The following CADPS2 variants were observed in gnomAD, a reference collection of about 807,000 sequenced individuals.
CADPS2 encodes the protein calcium-dependent secretion activator 2.
In CADPS2, 93 loss-of-function variants were observed where a neutral mutation model predicts 172.5. The ratio of observed to expected loss-of-function variants is 0.54; its 90% confidence interval spans 0.46 to 0.64. The LOEUF (loss-of-function observed/expected upper bound fraction) is 0.64. Ranked by LOEUF, CADPS2 falls within the 30% of genes least tolerant of loss-of-function variation. The pLI, the probability that CADPS2 is intolerant of heterozygous loss-of-function variation, is 0.00. For missense variants in CADPS2, 1,420 were observed against 1,565.9 expected (o/e 0.91, Z 1.57); for synonymous variants, 546 against 555.2 (o/e 0.98, Z 0.23).
intron 3 of CADPS2, among the ~76,000 whole-genome samples, chr7:122,660,703 G>A (rs904773047): frequency 1.3e-5 from 2 of 151,938 alleles, no homozygotes; most frequent in Non-Finnish European, 2.9e-5. Flanking sequence ...GAGGTCAGGA[G>A]ATCGAGACCA....
At chr7:122,614,338 C>T (rs1452693093) in intron 6 of CADPS2, among the ~76,000 whole-genome samples, 1 of 152,068 alleles carries the variant, frequency 6.6e-6, no homozygotes, top group African/African-American at 2.4e-5. Flanking sequence ...CCCTATCCTG[C>T]CTGCTCTAAA....
At chr7:122,694,610 CACTT>C (rs1359450627) in intron 2 of CADPS2, among the ~76,000 whole-genome samples, 1 of 152,152 alleles carries the variant, frequency 6.6e-6, no homozygotes, top group Non-Finnish European at 1.5e-5. Context: ...GGTAGAATAA[CACTT>C]ACTGGTAGGA....
At chr7:122,485,833 A>C (rs1319626812) in intron 11 of CADPS2, among the ~76,000 whole-genome samples, 2 of 152,196 alleles carry the variant, frequency 1.3e-5, no homozygotes, top group Non-Finnish European at 2.9e-5. Context: ...TTAGTGGCTA[A>C]TGCAGCTGGT....
chr7:122,876,272 A>G (rs1415250001), intron 1 of CADPS2, among the ~76,000 whole-genome samples: 1 of 152,202 alleles, frequency 6.6e-6, no homozygotes, highest in Admixed American at 6.5e-5. Flanking sequence ...GTGGGTCAGG[A>G]TCGTGTCACT....
At position 122,477,026 on chromosome 7, in the gene CADPS2, AG is replaced by A. The variant is rs1563448233; in HGVS notation, c.1862-2510del. Among the ~76,000 whole-genome samples the A allele has an allele frequency of 5.2e-3, 540 of 104,282 alleles. 14 individuals carry two copies. The highest frequency in any genetic ancestry group is 0.023 in the African/African-American group (521 of 22,888). 68.4% of individuals were successfully genotyped at this position (104,282 alleles called of 152,430 possible). ...AGGAGAGGAGAGGAGAGGAGAGGAGAGGAGAGGAGAGGAGAGGAGAGAGAGA... is the reference window on the plus strand; with the variant it reads ...AGGAGAGGAGAGGAGAGGAGAGGAGAGAGAGGAGAGGAGAGGAGAGAGAGA... On this transcript the variant is annotated intron_variant, in intron 12 of 29. Coordinates refer to ENST00000449022, the MANE Select transcript of CADPS2 (RefSeq NM_017954.11).
chr7:122,666,690 C>T (rs1016372651), intron 2 of CADPS2, among the ~76,000 whole-genome samples: 4 of 152,126 alleles, frequency 2.6e-5, no homozygotes, highest in Non-Finnish European at 5.9e-5. Context: ...GGAGGACGTA[C>T]ACTGGAAGAA....
At chr7:122,794,334 C>T (rs770128139) in intron 1 of CADPS2, among the ~76,000 whole-genome samples, 6 of 151,816 alleles carry the variant, frequency 4.0e-5, no homozygotes, top group Non-Finnish European at 5.9e-5. Context: ...GTCTAATTGT[C>T]TTATTTCAGA....
At chr7:122,851,496 C>A (rs530111536) in intron 1 of CADPS2, among the ~76,000 whole-genome samples, 2 of 152,142 alleles carry the variant, frequency 1.3e-5, no homozygotes, top group Admixed American at 1.3e-4. Flanking sequence ...AGCATGTAAA[C>A]CAGTACTAAA....
At chr7:122,604,566 T>C (rs1253733893) in intron 6 of CADPS2, among the ~76,000 whole-genome samples, 1 of 152,114 alleles carries the variant, frequency 6.6e-6, no homozygotes, top group Non-Finnish European at 1.5e-5. Flanking sequence ...ATGTGAAGTA[T>C]GACAACACTA....
intron 3 of CADPS2, among the ~76,000 whole-genome samples, chr7:122,649,380 C>T (rs199522407): frequency 1.3e-5 from 2 of 152,240 alleles, no homozygotes; most frequent in East Asian, 3.9e-4. Context: ...TTTCCTGGCA[C>T]CCAACTAGAC....
chr7:122,475,216 G>T (rs1295783967), intron 12 of CADPS2, among the ~76,000 whole-genome samples: 1 of 151,848 alleles, frequency 6.6e-6, no homozygotes, highest in Non-Finnish European at 1.5e-5. Context: ...TTTCATTAAT[G>T]GTATGTTTTG....
chr7:122,495,739 A>G (rs1004521888), intron 9 of CADPS2, among the ~76,000 whole-genome samples: 15 of 152,254 alleles, frequency 9.9e-5, no homozygotes, highest in African/African-American at 3.6e-4. Flanking sequence ...GCTGCTTTCC[A>G]ATTTGTACAT....
At chr7:122,361,582 A>AATAT (rs1245384409) in intron 25 of CADPS2, among the ~76,000 whole-genome samples, 3 of 152,156 alleles carry the variant, frequency 2.0e-5, no homozygotes, top group Non-Finnish European at 2.9e-5. Context: ...ATAGGAATCT[A>AATAT]GTCACTATAC....
intron 19 of CADPS2, among the ~76,000 whole-genome samples, chr7:122,411,097 CTCCATCCA>C (rs938054060): frequency 6.6e-6 from 1 of 152,014 alleles, no homozygotes; most frequent in Non-Finnish European, 1.5e-5. Context: ...CTCTCTCTCT[CTCCATCCA>C]TCCATCCATC....
intron 27 of CADPS2, among the ~76,000 whole-genome samples, chr7:122,350,393 T>C (rs983182817): frequency 6.6e-6 from 1 of 152,230 alleles, no homozygotes; most frequent in African/African-American, 2.4e-5. Context: ...TTAATATATC[T>C]TTAATGCTCT....
Position 122,438,359 on chromosome 7 carries a change from CTG to C in CADPS2, c.2456_2457del (p.Thr819ArgfsTer16), listed in dbSNP as rs1041183578. 3.7e-6 allele frequency: 6 copies of C among 1,612,868 alleles called. No individual in the cohort carries two copies. Among genetic ancestry groups the C allele is most frequent in the Non-Finnish European group, 5.1e-6 (6 of 1,179,238 alleles). ...KAALINYTRL[T>X]EYAKIEETMN... ...CACTGACCTTCTATTTTGGCATATT[CTG>C]TGAGTCTAGTGTAATTGATCAAGGC... On this transcript the variant is annotated frameshift_variant, in exon 17 of 30. Transcript: ENST00000449022. LOFTEE classifies it high-confidence loss of function.
intron 5 of CADPS2, 92 bp downstream of exon 5, chr7:122,621,389 T>C: frequency 1.2e-6 from 1 of 854,124 alleles, no homozygotes; most frequent in Non-Finnish European, 1.9e-6. Context: ...TTACACTGTT[T>C]TAAATTCTAA....
intron 9 of CADPS2, among the ~76,000 whole-genome samples, chr7:122,505,802 A>C (rs2059567495): frequency 6.6e-6 from 1 of 152,142 alleles, no homozygotes; most frequent in African/African-American, 2.4e-5. Context: ...TTTCCATAAA[A>C]TGTTGCCATA....
intron 1 of CADPS2, among the ~76,000 whole-genome samples, chr7:122,778,099 C>G (rs1029561902): frequency 6.6e-6 from 1 of 152,114 alleles, no homozygotes; most frequent in African/African-American, 2.4e-5. Flanking sequence ...TGTTGAATGG[C>G]TTTGACCAAA....
Sources: allele counts gnomAD v4.1 joint callset (sites outside exome capture counted in the v4.1 genomes callset), GRCh38; gene constraint gnomAD v4.1.1; transcripts MANE v1.5; gene names NCBI Gene and HGNC (gene_info 2026-07-23, HGNC 2026-07-21).